The following NEB variants were observed in gnomAD, a reference collection of about 807,000 sequenced individuals.
NEB encodes the protein nemaline myopathy type 2.
Under a neutral mutation model 952.2 loss-of-function variants are expected in NEB, and 512 were observed. The observed-to-expected ratio is 0.54, with a 90% confidence interval of 0.50 to 0.58. The LOEUF (loss-of-function observed/expected upper bound fraction) is 0.58. NEB is among the 20% of genes least tolerant of loss of function. NEB has a pLI of 0.00. For synonymous variants in NEB, 2,900 were observed against 3,149.8 expected, an observed-to-expected ratio of 0.92 and a Z score of 2.66; for missense variants, 8,428 against 9,231.1, an observed-to-expected ratio of 0.91 and a Z score of 3.56.
chr2:151,704,403 C>CT (rs2099693695), intron 13 of NEB, among the ~76,000 whole-genome samples: 1 of 145,434 alleles, frequency 6.9e-6, no homozygotes, highest in African/African-American at 2.6e-5. Context: ...TCGAGCTTCC[C>CT]GGCTGCTTTG....
chr2:151,609,478 T>A (rs1362773301), intron 81 of NEB, among the ~76,000 whole-genome samples: 1 of 152,166 alleles, frequency 6.6e-6, no homozygotes, highest in Non-Finnish European at 1.5e-5. Context: ...TAGTTGAAAA[T>A]TTTTAAAGGA....
Position 151,631,139 on chromosome 2 carries a change from T to C in NEB, c.9618+4A>G, listed in dbSNP as rs767960502. 1 of 1,613,856 alleles carries C rather than the reference T, an allele frequency of 6.2e-7. No individual in the cohort carries two copies. Among genetic ancestry groups the C allele is most frequent in the East Asian group, 2.2e-5 (1 of 44,888 alleles). ...TGGAGAAGCTTAAGGCAGCTAGGACTCACCTTATTCATGTTGAGAGCATTG... is the reference window on the plus strand; with the variant it reads ...TGGAGAAGCTTAAGGCAGCTAGGACCCACCTTATTCATGTTGAGAGCATTG... On this transcript the variant is annotated splice_donor_region_variant and intron_variant, in intron 66 of 181. Coordinates refer to ENST00000397345, the MANE Select transcript of NEB (RefSeq NM_001164508.2).
At chr2:151,496,193 A>G (rs1471376972) in intron 173 of NEB, 83 bp downstream of exon 173, 1 of 1,366,886 alleles carries the variant, frequency 7.3e-7, no homozygotes, top group South Asian at 1.3e-5. Flanking sequence ...GTCTTTAAAA[A>G]GTAGGATTAA....
Position 151,725,575 on chromosome 2 carries a change from A to T in NEB, c.295-15T>A, listed in dbSNP as rs1338544238. The T allele has an allele frequency of 6.3e-7, 1 of 1,593,204 alleles. No individual in the cohort carries two copies. The highest frequency in any genetic ancestry group is 2.2e-5 in the East Asian group (1 of 44,740). On this transcript the variant is annotated splice_polypyrimidine_tract_variant and intron_variant, in intron 5 of 181. Transcript: ENST00000397345. ...TTGTATTTATTCTGAAAAGAATATC[A>T]GATATTAGCCTAACAAGACAGCAGT...
chr2:151,679,712 T>G lies in NEB; in HGVS notation c.3255+9A>C, dbSNP rs1225816303. 1.6e-6 allele frequency: 2 copies of G among 1,282,272 alleles called. No individual in the cohort carries two copies. Among genetic ancestry groups the G allele is most frequent in the South Asian group, 2.3e-5 (2 of 86,138 alleles). The allele number at this position is 1,282,272 out of a possible 1,614,324, so 79.4% of individuals were successfully genotyped here. ...CTAGTTGCCCATGTATGACCACAGC[T>G]GGACTTACGTCACTCGCCGCCTGCC... On this transcript the variant is annotated intron_variant, in intron 32 of 181. Coordinates refer to ENST00000397345, the MANE Select transcript of NEB (RefSeq NM_001164508.2).
At chr2:151,692,854 CAGCTACTTGGG>C (rs752954554) in intron 20 of NEB, among the ~76,000 whole-genome samples, 3 of 152,116 alleles carry the variant, frequency 2.0e-5, no homozygotes, top group Non-Finnish European at 2.9e-5. Flanking sequence ...TCTGTAATCC[CAGCTACTTGGG>C]AGGCTGAGGC....
In NEB at chr2:151,565,029, T is replaced by A. The variant is rs768219607; in HGVS notation, c.18471+15A>T. 1.6e-5 allele frequency: 24 copies of A among 1,457,516 alleles called. No individual in the cohort carries two copies. 90.3% of individuals were successfully genotyped at this position (1,457,516 alleles called of 1,614,324 possible). Reference sequence around the variant, plus strand: ...AATTAGAAATTGAGTGGTTATTACATAAAAGAGAACTTACAGTACTGTAGA... The same window carrying A: ...AATTAGAAATTGAGTGGTTATTACAAAAAAGAGAACTTACAGTACTGTAGA... On this transcript the variant is annotated intron_variant, in intron 117 of 181. Coordinates refer to ENST00000397345, the MANE Select transcript of NEB (RefSeq NM_001164508.2).
Position 151,694,365 on chromosome 2 carries a change from G to C in NEB, c.1854C>G (p.Pro618=), listed in dbSNP as rs1469092630. 1.2e-6 allele frequency: 2 copies of C among 1,613,940 alleles called. No individual in the cohort carries two copies. The highest frequency in any genetic ancestry group is 1.7e-6 in the Non-Finnish European group (2 of 1,179,882). ...MIGVLSINDD[P]KMLHSLKVAK... Reference sequence around the variant, plus strand: ...CCACCTTCAAGGAGTGCAGCATCTTGGGATCGTCATTAATGCTGAGGACTC... The same window carrying C: ...CCACCTTCAAGGAGTGCAGCATCTTCGGATCGTCATTAATGCTGAGGACTC... The change falls in exon 20 of 182, where the codon CCC becomes CCG. Residue 618 remains proline, a synonymous_variant. Coordinates refer to ENST00000397345, the MANE Select transcript of NEB (RefSeq NM_001164508.2).
In NEB at chr2:151,627,781, C is replaced by G; in HGVS notation, c.9885G>C (p.Arg3295=). The change falls in exon 69 of 182, where the codon CGG becomes CGC. Residue 3295 remains arginine, a synonymous_variant. Transcript: ENST00000397345. Reference sequence around the variant, plus strand: ...TCATCTTGGGGTCATCTTCAATGTTCCGGGCTCCAATGTGGTGGCCGAGCT... The same window carrying G: ...TCATCTTGGGGTCATCTTCAATGTTGCGGGCTCCAATGTGGTGGCCGAGCT... ...RKQLGHHIGA[R]NIEDDPKMMW... 4.3e-6 allele frequency: 7 copies of G among 1,613,966 alleles called. No individual in the cohort carries two copies. The highest frequency in any genetic ancestry group is 5.1e-6 in the Non-Finnish European group (6 of 1,179,890).
chr2:151,670,295 CAA>C (rs1438844422), intron 38 of NEB, among the ~76,000 whole-genome samples: 1 of 152,132 alleles, frequency 6.6e-6, no homozygotes. Flanking sequence ...GGCTAAAATA[CAA>C]AAAGTCTTTC....
intron 124 of NEB, among the ~76,000 whole-genome samples, chr2:151,557,056 C>CA (rs1403492356): frequency 2.0e-5 from 3 of 151,722 alleles, no homozygotes; most frequent in Admixed American, 6.6e-5. Flanking sequence ...AAAAACCCTT[C>CA]AAAAAAATCA....
At chr2:151,638,536 A>T (rs1408472819) in intron 63 of NEB, among the ~76,000 whole-genome samples, 1 of 152,236 alleles carries the variant, frequency 6.6e-6, no homozygotes, top group Admixed American at 6.5e-5. Context: ...ACAGAGAGAA[A>T]TGTTGTGACT....
intron 28 of NEB, 56 bp downstream of exon 28, chr2:151,684,722 T>C (rs2099477441): frequency 2.1e-6 from 3 of 1,432,824 alleles, no homozygotes; most frequent in Admixed American, 5.1e-5. Context: ...AACTTCAAAG[T>C]CCATTTCAGT....
At chr2:151,497,496 A>G (rs1421215729) in intron 171 of NEB, 130 bp downstream of exon 171, 8 of 1,485,570 alleles carry the variant, frequency 5.4e-6, no homozygotes, top group Admixed American at 2.5e-5. Flanking sequence ...GGAAAAAAGG[A>G]TAAATTTGCT....
chr2:151,695,519 T>C lies in NEB; in HGVS notation c.1674+59A>G. ...ATTCATTGAATTGCAACAAAGCAGTTCAAACATAAAAGCACAGGTTGTCAG... is the reference window on the plus strand; with the variant it reads ...ATTCATTGAATTGCAACAAAGCAGTCCAAACATAAAAGCACAGGTTGTCAG... On this transcript the variant is annotated intron_variant, in intron 18 of 181. Transcript: ENST00000397345. 3.2e-6 allele frequency: 4 copies of C among 1,232,418 alleles called. No homozygotes were observed. The South Asian group carries it at 5.3e-5, about 16-fold the overall frequency. The allele number at this position is 1,232,418 out of a possible 1,614,324, so 76.3% of individuals were successfully genotyped here.
At chr2:151,682,404 A>C (rs1328515771) in intron 29 of NEB, among the ~76,000 whole-genome samples, 1 of 152,250 alleles carries the variant, frequency 6.6e-6, no homozygotes, top group Non-Finnish European at 1.5e-5. Context: ...AACATAAATG[A>C]ATGGTTAACG....
At position 151,725,515 on chromosome 2, in the gene NEB, C is replaced by T. The variant is rs779928749; in HGVS notation, c.340G>A (p.Ala114Thr). Residue 114 changes from alanine (A) to threonine (T), a missense_variant, in exon 6 of 182, where the codon GCC becomes ACC. Physicochemically the swap from Ala to Thr is moderately conservative, Grantham distance 58. This residue lies in a region of NEB where 2,851 missense variants were observed against 2,791.5 expected (regional missense o/e 1.02). Transcript: ENST00000397345. The part of the protein sequence containing the change: ...KFEKTKGQPY[A>T]STTDTPELRR... ...AGTTCTGGAGTATCTGTTGTGCTGG[C>T]GTATGGCTGTCCTTTTGTTTTCTCA... 2.1e-5 allele frequency: 34 copies of T among 1,613,518 alleles called. No homozygotes were observed. Among genetic ancestry groups the T allele is most frequent in the African/African-American group, 2.7e-5 (2 of 74,858 alleles).
intron 146 of NEB, 133 bp from the exon 147 acceptor site, chr2:151,527,718 T>C (rs746479662): frequency 6.4e-5 from 42 of 658,252 alleles, no homozygotes; most frequent in Non-Finnish European, 9.9e-5. Context: ...GAAGCCCCAA[T>C]TGAAATTTCT....
At position 151,636,242 on chromosome 2, in the gene NEB, C is replaced by G. The variant is rs2098761103; in HGVS notation, c.9087G>C (p.Arg3029Ser). 1 of 1,609,230 alleles carries G rather than the reference C, an allele frequency of 6.2e-7. No homozygotes were observed. The highest frequency in any genetic ancestry group is 8.5e-7 in the Non-Finnish European group (1 of 1,179,516). Reference sequence around the variant, plus strand: ...GACAACTCACGTCACTGATGATGTCCCTGGAGGCCTTGGCCGCCACGATGG... The same window carrying G: ...GACAACTCACGTCACTGATGATGTCGCTGGAGGCCTTGGCCGCCACGATGG... ...AIPIVAAKAS[R>S]DIISDYKYKD... The change falls in exon 64 of 182, where the codon AGG becomes AGC. Residue 3029 changes from arginine to serine, a missense_variant. Arg to Ser is a moderately radical substitution (Grantham distance 110). This residue lies in a region of NEB where 1,772 missense variants were observed against 1,960.3 expected (regional missense o/e 0.90). Coordinates refer to ENST00000397345, the MANE Select transcript of NEB (RefSeq NM_001164508.2).
Sources: allele counts gnomAD v4.1 joint callset (sites outside exome capture counted in the v4.1 genomes callset), GRCh38; gene constraint gnomAD v4.1.1; regional missense constraint gnomAD v4.1.1; transcripts MANE v1.5; gene names NCBI Gene and HGNC (gene_info 2026-07-23, HGNC 2026-07-21).